The following POLD1 variants were observed in gnomAD, a reference collection of about 807,000 sequenced individuals.
The protein encoded by POLD1 is DNA polymerase delta catalytic subunit.
A neutral mutation model predicts 129.7 loss-of-function variants in POLD1; 79 were observed. The observed-to-expected ratio is 0.61, with a 90% CI of 0.51 to 0.73. The LOEUF (loss-of-function observed/expected upper bound fraction) is 0.73, where lower values mean the gene tolerates loss of function less well. Among genes scored for constraint, POLD1 ranks in the 30% least tolerant of loss-of-function variants. The pLI is 0.00. For synonymous variants in POLD1, 714 were observed against 683.3 expected (o/e 1.04, Z -0.70); for missense variants, 1,338 against 1,595.8 (o/e 0.84, Z 2.75).
At chr19:50,399,232 C>A in intron 2 of POLD1, 139 bp from the exon 3 acceptor site, 1 of 1,148,050 alleles carries the variant, frequency 8.7e-7, no homozygotes, top group Non-Finnish European at 1.3e-6. Context: ...TGGCCCTGAC[C>A]CTTGACCCTC....
Position 50,415,421 on chromosome 19 carries a change from G to A in POLD1, c.2565-17G>A, listed in dbSNP as rs200576676. 5.1e-4 allele frequency: 824 copies of A among 1,604,110 alleles called. 4 individuals carry two copies. Among genetic ancestry groups the A allele is most frequent in the Non-Finnish European group, 3.3e-4 (393 of 1,173,588 alleles). On this transcript the variant is annotated splice_polypyrimidine_tract_variant and intron_variant, in intron 20 of 26. Transcript: ENST00000440232. ...TCAGTGCCTTTTGGTGACGCTGTGC[G>A]GCCCGCTCTCCTACAGAGACCCTGA...
chr19:50,395,106 G>A (rs2038302531), intron 1 of POLD1: 1 of 149,880 alleles, frequency 6.7e-6, no homozygotes. Context: ...GCCTCTCAAA[G>A]TGCTGGGATT....
Position 50,409,946 on chromosome 19 carries a change from T to C in POLD1, c.2154+280T>C, listed in dbSNP as rs2039034168. 6.6e-6 allele frequency among the ~76,000 whole-genome samples: 1 copy of C among 152,082 alleles called. No homozygotes were observed. Among genetic ancestry groups the C allele is most frequent in the Non-Finnish European group, 1.5e-5 (1 of 68,008 alleles). ...CTGTCCCTGTCATCTTGCAGCCCAG[T>C]GGGGACACTGACAGGTCTGTGTAAA... On this transcript the variant is annotated intron_variant, in intron 17 of 26. Coordinates refer to ENST00000440232, the MANE Select transcript of POLD1 (RefSeq NM_002691.4). This position sits in a 1 kb window ranked among gnomAD's most constrained non-coding sequence, Gnocchi z 5.8.
chr19:50,407,201 A>AC lies in POLD1; in HGVS notation c.1686+33dup, dbSNP rs759420705. 40 of 1,578,804 alleles carry AC rather than the reference A, an allele frequency of 2.5e-5. No homozygotes were observed. In the African/African-American group the frequency reaches 4.6e-4, roughly 18 times the overall value. Reference sequence around the variant, plus strand: ...TCAGTAGCCGAGACTTGTCCTCGCCACCCCCCACCAGGCACGTCTGTGGCC... The same window carrying AC: ...TCAGTAGCCGAGACTTGTCCTCGCCACCCCCCCACCAGGCACGTCTGTGGCC... On this transcript the variant is annotated intron_variant, in intron 13 of 26. Coordinates refer to ENST00000440232, the MANE Select transcript of POLD1 (RefSeq NM_002691.4).
Position 50,417,068 on chromosome 19 carries a change from C to T in POLD1, c.3091C>T (p.Pro1031Ser), listed in dbSNP as rs2039327767. 2 of 1,553,160 alleles carry T rather than the reference C, an allele frequency of 1.3e-6. No homozygotes were observed. The highest frequency in any genetic ancestry group is 1.7e-6 in the Non-Finnish European group (2 of 1,147,982). The change falls in exon 25 of 27, where the codon CCC becomes TCC. Residue 1031 changes from proline (P) to serine (S), a missense_variant. Physicochemically the swap from Pro to Ser is moderately conservative, Grantham distance 74 (BLOSUM62 -1). Transcript: ENST00000440232. The stretch of plus-strand genomic sequence containing the variant: ...AGGAGCCGTGTGTGAGTTCTGCCAG[C>T]CCCGGGAGTCTGAGCTGTATCAGAA... The part of the protein sequence containing the change: ...HQGAVCEFCQ[P>S]RESELYQKEV...
In POLD1 at chr19:50,402,053, G is replaced by A. The variant is rs1726803; in HGVS notation, c.518G>A (p.Ser173Asn). ...DLQRELNLAI[S>N]RDSRGGRELT... is the part of the protein sequence containing the mutation. The stretch of plus-strand genomic sequence containing the variant: ...CAACGGGAGCTGAACTTGGCCATCA[G>A]CCGGGACAGTCGCGGGGGGAGGGAG... Residue 173 changes from serine to asparagine, a missense_variant, in exon 5 of 27, where the codon AGC becomes AAC. Transcript: ENST00000440232. 5.4e-3 allele frequency: 8,701 copies of A among 1,614,076 alleles called. 416 individuals carry two copies. The African/African-American group carries it at 0.1, about 19-fold the overall frequency.
chr19:50,412,778 G>C (rs752670051), intron 17 of POLD1, among the ~76,000 whole-genome samples: 83 of 151,636 alleles, frequency 5.5e-4, no homozygotes, highest in Non-Finnish European at 9.7e-4. Context: ...GTGTGTGTGT[G>C]TGTGTATTTT....
chr19:50,386,623 G>A (rs2123702042), intron 1 of POLD1, among the ~76,000 whole-genome samples: 1 of 152,356 alleles, frequency 6.6e-6, no homozygotes, highest in South Asian at 2.1e-4. Flanking sequence ...TCAGCTTGGA[G>A]GAGCTAAGCC....
intron 17 of POLD1, among the ~76,000 whole-genome samples, chr19:50,412,675 C>T (rs952379879): frequency 6.6e-6 from 1 of 152,130 alleles, no homozygotes; most frequent in Non-Finnish European, 1.5e-5. Flanking sequence ...AAGAATCACA[C>T]CCATCTCTCC....
Position 50,402,687 on chromosome 19 carries a change from C to T in POLD1, c.916C>T (p.Arg306Cys), listed in dbSNP as rs755457889. 10 of 1,600,146 alleles carry T rather than the reference C, an allele frequency of 6.2e-6. No homozygotes were observed. Among genetic ancestry groups the T allele is most frequent in the African/African-American group, 5.4e-5 (4 of 74,682 alleles). The change falls in exon 8 of 27, where the codon CGC becomes TGC. Residue 306 changes from arginine (R) to cysteine (C), a missense_variant. This residue lies in a region of POLD1 where 720 missense variants were observed against 1,002.6 expected (regional missense o/e 0.72). Transcript: ENST00000440232. ...VSHPPEGPWQRIAPLRVLSFD... is the reference protein window; with the variant it reads ...VSHPPEGPWQCIAPLRVLSFD... ...TCACCCACCGGAAGGGCCATGGCAG[C>T]GCATTGCGCCCTTGCGCGTGCTCAG...
At chr19:50,415,367 T>G in intron 20 of POLD1, 71 bp from the exon 21 acceptor site, 9 of 1,469,290 alleles carry the variant, frequency 6.1e-6, no homozygotes, top group Non-Finnish European at 7.5e-6. Context: ...TCTCCAGCCC[T>G]GAGACCCGTG....
chr19:50,411,382 G>C (rs1440104503), intron 17 of POLD1, among the ~76,000 whole-genome samples: 1 of 152,186 alleles, frequency 6.6e-6, no homozygotes, highest in Non-Finnish European at 1.5e-5. Flanking sequence ...GCCAGGCCAA[G>C]AGAGCACAGC....
At chr19:50,417,671 T>TCCCCCCCCCCCCCCC (rs3840923) in intron 26 of POLD1, among the ~76,000 whole-genome samples, 171 bp from the exon 27 acceptor site, 117 of 110,510 alleles carry the variant, frequency 1.1e-3, no homozygotes, top group Non-Finnish European at 1.3e-3. Context: ...TGTTATCGGC[T>TCCCCCCCCCCCCCCC]CCCCCCCCCC....
chr19:50,417,677 CCCCCA>C lies in POLD1; in HGVS notation c.3219-160_3219-156del, dbSNP rs1489191205. Among the ~76,000 whole-genome samples, 962 of 105,158 alleles carry C rather than the reference CCCCCA, an allele frequency of 9.1e-3. 26 individuals carry two copies. Among genetic ancestry groups the C allele is most frequent in the African/African-American group, 0.032 (687 of 21,166 alleles). The allele number at this position is 105,158 out of a possible 152,430, so 69.0% of individuals were successfully genotyped here. A position where few individuals can be genotyped will look rare whatever the true frequency, so the allele number is the denominator to read the frequency against. ...GGCACCCGCTGTTATCGGCTCCCCC[CCCCCA>C]CCCCCCCCGTGCCTGCTGAGCAAAC... On this transcript the variant is annotated intron_variant, in intron 26 of 26. Transcript: ENST00000440232.
intron 1 of POLD1, among the ~76,000 whole-genome samples, chr19:50,386,399 A>C (rs1439649116): frequency 6.6e-6 from 1 of 152,086 alleles, no homozygotes; most frequent in East Asian, 1.9e-4. Flanking sequence ...CGGCCTCCCA[A>C]AGTGCTGGGA....
chr19:50,392,838 A>T (rs1039858926), intron 1 of POLD1, among the ~76,000 whole-genome samples: 1 of 152,264 alleles, frequency 6.6e-6, no homozygotes, highest in African/African-American at 2.4e-5. Context: ...TTTTCAACAC[A>T]AAAGATAAAA....
chr19:50,389,147 G>C (rs1188881530), intron 1 of POLD1, among the ~76,000 whole-genome samples: 1 of 144,140 alleles, frequency 6.9e-6, no homozygotes, highest in Admixed American at 7.0e-5. Flanking sequence ...TTTTTTTTTG[G>C]TACAGTATTT....
chr19:50,401,638 G>A lies in POLD1; in HGVS notation c.317-140G>A, dbSNP rs2038633401. On this transcript the variant is annotated intron_variant, in intron 3 of 26. Coordinates refer to ENST00000440232, the MANE Select transcript of POLD1 (RefSeq NM_002691.4). ...TGAGGCTGGAGATGGGAACCAGGGG[G>A]GAGGCTGAAATGGACACAGGGAACG... 3 of 868,456 alleles carry A rather than the reference G, an allele frequency of 3.5e-6. 1 individual carries two copies. The South Asian group carries it at 4.5e-5, about 13-fold the overall frequency. 53.8% of individuals were successfully genotyped at this position (868,456 alleles called of 1,614,324 possible). A position where few individuals can be genotyped will look rare whatever the true frequency, so the allele number is the denominator to read the frequency against.
At position 50,407,154 on chromosome 19, in the gene POLD1, G is replaced by T. The variant is rs762273084; in HGVS notation, c.1666G>T (p.Val556Leu). 1.2e-6 allele frequency: 2 copies of T among 1,607,552 alleles called. No individual in the cohort carries two copies. The highest frequency in any genetic ancestry group is 2.2e-5 in the South Asian group (2 of 90,870). ...LLSRGQQVKV[V>L]SQLLRQAMHE... ...CAGTCGTGGCCAGCAGGTCAAGGTC[G>T]TATCCCAGCTGTTGCGGCAGGTCAG... is the stretch of plus-strand genomic sequence containing the variant. Residue 556 changes from valine to leucine, a missense_variant, in exon 13 of 27, where the codon GTA becomes TTA. Val to Leu is a conservative substitution (Grantham distance 32). Around this residue, in one of 3 missense-constraint regions of POLD1, gnomAD observed 720 missense variants for 1,002.6 expected, o/e 0.72. Transcript: ENST00000440232.
Sources: gnomAD v4.1 joint callset for allele counts (sites outside exome capture counted in the v4.1 genomes callset) on GRCh38, gnomAD v4.1.1 for gene constraint, gnomAD v4.1.1 regional missense constraint, Gnocchi (gnomAD v3.1) non-coding constraint, MANE v1.5 for transcripts, NCBI Gene and HGNC (gene_info 2026-07-23, HGNC 2026-07-21) for gene names.